PRSS3: variants seen among roughly 807,000 people sequenced by gnomAD.
PRSS3 encodes the protein serine protease 3, also known as trypsin-3.
PRSS3 carries 14 observed loss-of-function variants against 20.8 expected under a neutral mutation model. The observed-to-expected ratio is 0.67, with a 90% CI of 0.44 to 1.05. The LOEUF (loss-of-function observed/expected upper bound fraction) is 1.05. PRSS3 is among the 50% of genes least tolerant of loss of function. The pLI, the probability that PRSS3 is intolerant of heterozygous loss-of-function variation, is 0.00. For synonymous variants in PRSS3, 91 were observed against 117.6 expected (o/e 0.77, Z 1.46); for missense variants, 237 against 306.4 (o/e 0.77, Z 1.69).
At chr9:33,794,421 T>A (rs150947928), upstream of PRSS3, among the ~76,000 whole-genome samples, 2 of 152,296 alleles carry the variant, frequency 1.3e-5, no homozygotes, top group African/African-American at 4.8e-5. Flanking sequence ...TGTGCCTCAG[T>A]CAATTACACA....
chr9:33,796,056 C>G (rs1394919678), intron 1 of PRSS3, among the ~76,000 whole-genome samples: 1 of 152,234 alleles, frequency 6.6e-6, no homozygotes, highest in East Asian at 1.9e-4. Context: ...GGCTTTTAAG[C>G]TTCCCAGGTG....
At chr9:33,764,927 T>C (rs1823351579) in intron 1 of PRSS3, among the ~76,000 whole-genome samples, 1 of 152,110 alleles carries the variant, frequency 6.6e-6, no homozygotes, top group African/African-American at 2.4e-5. Flanking sequence ...CACTAATCAT[T>C]AGGGAAACAA....
intron 1 of PRSS3, among the ~76,000 whole-genome samples, chr9:33,787,194 C>T (rs1305522700): frequency 6.6e-6 from 1 of 152,122 alleles, no homozygotes; most frequent in African/African-American, 2.4e-5. Flanking sequence ...TATCTCAAGG[C>T]TCTATTTAGC....
At chr9:33,785,627 A>G (rs529835348) in intron 1 of PRSS3, among the ~76,000 whole-genome samples, 2 of 152,362 alleles carry the variant, frequency 1.3e-5, no homozygotes, top group East Asian at 3.9e-4. Context: ...AGGAAAACAT[A>G]TAAGAGACAA....
At chr9:33,780,714 T>C (rs1465722776) in intron 1 of PRSS3, among the ~76,000 whole-genome samples, 1 of 152,068 alleles carries the variant, frequency 6.6e-6, no homozygotes, top group East Asian at 1.9e-4. Flanking sequence ...AAAATATCTA[T>C]CAAGCAAATG....
At chr9:33,757,153 G>A (rs1214488851) in intron 1 of PRSS3, among the ~76,000 whole-genome samples, 3 of 152,192 alleles carry the variant, frequency 2.0e-5, no homozygotes, top group Admixed American at 6.5e-5. Context: ...GTTGTAAGGT[G>A]GATAGGTGGA....
At chr9:33,761,326 C>T (rs1347862851) in intron 1 of PRSS3, among the ~76,000 whole-genome samples, 1 of 152,222 alleles carries the variant, frequency 6.6e-6, no homozygotes, top group Non-Finnish European at 1.5e-5. Flanking sequence ...CAAACCTGTA[C>T]AGCACGTTAC....
In PRSS3 at chr9:33,797,830, C is replaced by A; in HGVS notation, c.202C>A (p.Arg68Ser). ...VVSAAHCYKTRIQVRLGEHNI... is the reference protein window; with the variant it reads ...VVSAAHCYKTSIQVRLGEHNI... ...CACCATGCCTGCCCTGCCCATCAGC[C>A]GCATCCAGGTGAGACTGGGAGAGCA... The change falls in exon 3 of 5, where the codon CGC becomes AGC. Residue 68 changes from arginine to serine, a missense_variant and splice_region_variant. Physicochemically the swap from Arg to Ser is moderately radical, Grantham distance 110 (BLOSUM62 -1). Transcript: ENST00000379405. 1 of 1,580,394 alleles carries A rather than the reference C, an allele frequency of 6.3e-7. No homozygotes were observed.
chr9:33,759,551 C>T (rs1302507133), intron 1 of PRSS3, among the ~76,000 whole-genome samples: 1 of 151,932 alleles, frequency 6.6e-6, no homozygotes, highest in Non-Finnish European at 1.5e-5. Context: ...GGTGACTGGA[C>T]GTTAAGCCAT....
intron 1 of PRSS3, among the ~76,000 whole-genome samples, chr9:33,781,068 G>A (rs1358958668): frequency 1.3e-5 from 2 of 152,158 alleles, no homozygotes; most frequent in African/African-American, 4.8e-5. Flanking sequence ...CCACCCAAAA[G>A]GAATGCTTAT....
chr9:33,753,751 A>G (rs1822802044), intron 1 of PRSS3, among the ~76,000 whole-genome samples: 1 of 152,254 alleles, frequency 6.6e-6, no homozygotes, highest in Non-Finnish European at 1.5e-5. Flanking sequence ...AACATCTGAA[A>G]AAGTATGACA....
intron 1 of PRSS3, among the ~76,000 whole-genome samples, chr9:33,754,082 GTCTCTCTC>G (rs1822822218): frequency 6.8e-6 from 1 of 148,114 alleles, no homozygotes; most frequent in African/African-American, 2.5e-5. Context: ...TTCTCTCTCT[GTCTCTCTC>G]TCGTCTCTTT....
rs1396301860 is a variant in PRSS3, at chr9:33,750,849, G to A, written c.-53+122G>A. On this transcript the variant is annotated intron_variant, in intron 1 of 5. Transcript: ENST00000342836. The surrounding 1 kb of genome is among the most constrained non-coding windows in gnomAD (Gnocchi z 4.8). ...TCCGACTCGCATGGGACCTGCGGGG[G>A]AGGGTACGCGGACAGGGAGGGGATA... 1.4e-6 allele frequency: 2 copies of A among 1,386,148 alleles called. 1 individual carries two copies. Among genetic ancestry groups the A allele is most frequent in the South Asian group, 3.3e-5 (2 of 60,524 alleles). The allele number at this position is 1,386,148 out of a possible 1,614,324, so 85.9% of individuals were successfully genotyped here. A position where few individuals can be genotyped will look rare whatever the true frequency, so the allele number is the denominator to read the frequency against.
intron 1 of PRSS3, among the ~76,000 whole-genome samples, chr9:33,764,702 T>G (rs1426782684): frequency 6.6e-6 from 1 of 152,136 alleles, no homozygotes; most frequent in East Asian, 1.9e-4. Context: ...TCATCAAAAT[T>G]ACAAGCTTCT....
intron 1 of PRSS3, among the ~76,000 whole-genome samples, chr9:33,776,771 A>G (rs1248236628): frequency 6.6e-6 from 1 of 152,184 alleles, no homozygotes; most frequent in Non-Finnish European, 1.5e-5. Flanking sequence ...AAATCTAGAG[A>G]ACAGGAGAAA....
intron 1 of PRSS3, among the ~76,000 whole-genome samples, chr9:33,770,115 A>C (rs2118895376): frequency 6.6e-6 from 1 of 150,430 alleles, no homozygotes; most frequent in South Asian, 2.1e-4. Flanking sequence ...ACTGCACTCC[A>C]GCCTGGGCGA....
chr9:33,759,817 G>T lies in PRSS3; in HGVS notation c.-53+9090G>T, dbSNP rs546985279. The stretch of plus-strand genomic sequence containing the variant: ...GTGTGCATGAGAGTTCTTGCAAGGG[G>T]AAGAGGAAACGGAAGTAAGGGCTTA... On this transcript the variant is annotated intron_variant, in intron 1 of 5. Transcript: ENST00000342836. Among the ~76,000 whole-genome samples the T allele has an allele frequency of 2.0e-5, 3 of 152,330 alleles. No individual in the cohort carries two copies. In the South Asian group the frequency reaches 6.2e-4, roughly 32 times the overall value.
upstream of PRSS3, among the ~76,000 whole-genome samples, chr9:33,792,027 T>G (rs1199737466): frequency 6.6e-6 from 1 of 152,296 alleles, no homozygotes; most frequent in Non-Finnish European, 1.5e-5. Flanking sequence ...GCTCTGCGAC[T>G]CCATATTACA....
At chr9:33,785,378 C>T (rs1212479550) in intron 1 of PRSS3, among the ~76,000 whole-genome samples, 1 of 150,744 alleles carries the variant, frequency 6.6e-6, no homozygotes, top group Admixed American at 6.6e-5. Context: ...GGGGTTTCAC[C>T]GTTTTAGCCG....
Sources: gnomAD v4.1 joint callset for allele counts (sites outside exome capture counted in the v4.1 genomes callset) on GRCh38, gnomAD v4.1.1 for gene constraint, Gnocchi (gnomAD v3.1) non-coding constraint, MANE v1.5 for transcripts, NCBI Gene and HGNC (gene_info 2026-07-23, HGNC 2026-07-21) for gene names.